The following AMY2B variants were observed in gnomAD, a reference collection of about 807,000 sequenced individuals.
The protein encoded by AMY2B is alpha-amylase 2B.
AMY2B carries 63 observed loss-of-function variants against 59.3 expected under a neutral mutation model. That is an observed-to-expected ratio of 1.06 (90% CI 0.87 to 1.31). The LOEUF is 1.31. Ranked by LOEUF, AMY2B falls within the 50% of genes most tolerant of loss-of-function variation. The probability of loss-of-function intolerance (pLI) is 0.00; values close to 1 mark genes in which losing one functional copy is unlikely to be tolerated. For synonymous variants in AMY2B, 180 were observed against 198.1 expected (o/e 0.91, Z 0.77); for missense variants, 635 against 626.7 (o/e 1.01, Z -0.14).
rs188648857 is a variant in AMY2B, at chr1:103,573,691, C to A, written c.514-17C>A. ...ATGAGGTTTTATGAATCAATCATAA[C>A]ATTTTTACCTCAACAGGTCAGAGAT... On this transcript the variant is annotated splice_polypyrimidine_tract_variant and intron_variant, in intron 3 of 9. Coordinates refer to ENST00000684275, the MANE Select transcript of AMY2B (RefSeq NM_001387437.1). 1.2e-6 allele frequency: 2 copies of A among 1,613,472 alleles called. No homozygotes were observed. The highest frequency in any genetic ancestry group is 2.2e-5 in the South Asian group (2 of 91,048).
At chr1:103,562,628 G>A (rs1323997348) in intron 1 of AMY2B, among the ~76,000 whole-genome samples, 1 of 150,198 alleles carries the variant, frequency 6.7e-6, no homozygotes. Context: ...TATTTATAAG[G>A]CATCTAGGCT....
chr1:103,567,223 A>G (rs1322884667), upstream of AMY2B, among the ~76,000 whole-genome samples: 1 of 152,118 alleles, frequency 6.6e-6, no homozygotes, highest in East Asian at 1.9e-4. Context: ...TGGATGTGGA[A>G]GGGGATGATA....
rs770257893 is a variant in AMY2B, at chr1:103,577,707, A to G, written c.1221-13A>G. The G allele has an allele frequency of 9.9e-6, 16 of 1,611,636 alleles. No individual in the cohort carries two copies. The highest frequency in any genetic ancestry group is 1.4e-5 in the Non-Finnish European group (16 of 1,179,754). On this transcript the variant is annotated splice_polypyrimidine_tract_variant and intron_variant, in intron 8 of 9. Transcript: ENST00000684275. ...TAAGAATATCAACGTTTTATATGGT[A>G]TTGTGTTTTTAGGAACATGGTTAAT...
At chr1:103,576,505 CTT>C (rs954383295) in intron 7 of AMY2B, among the ~76,000 whole-genome samples, 14 of 152,102 alleles carry the variant, frequency 9.2e-5, no homozygotes, top group African/African-American at 3.4e-4. Context: ...GCTAAAAACT[CTT>C]AGTTTTGTTC....
intron 1 of AMY2B, among the ~76,000 whole-genome samples, chr1:103,557,765 C>T (rs1363231470): frequency 6.6e-6 from 1 of 151,900 alleles, no homozygotes; most frequent in East Asian, 1.9e-4. Flanking sequence ...AAGATGTGAG[C>T]AGTTTTATGA....
rs201325836 is a variant in AMY2B at position 103,579,459 on chromosome 1, G to A, written c.1495G>A (p.Glu499Lys). 244 of 1,611,538 alleles carry A rather than the reference G, an allele frequency of 1.5e-4. No individual in the cohort carries two copies. The highest frequency in any genetic ancestry group is 1.9e-4 in the Non-Finnish European group (221 of 1,179,682). The change falls in exon 10 of 10, where the codon GAG becomes AAG. Residue 499 changes from glutamate (E) to lysine (K), a missense_variant. By Grantham distance (56) the Glu-to-Lys change is moderately conservative. Coordinates refer to ENST00000684275, the MANE Select transcript of AMY2B (RefSeq NM_001387437.1). ...KAHFSISNSA[E>K]DPFIAIHAES... ...TCATTTTTCTATTAGTAACTCTGCT[G>A]AGGATCCATTTATTGCAATTCATGC... is the stretch of plus-strand genomic sequence containing the variant.
intron 7 of AMY2B, 90 bp downstream of exon 7, chr1:103,575,630 T>G (rs1652323579): frequency 6.5e-7 from 1 of 1,546,672 alleles, no homozygotes; most frequent in East Asian, 2.3e-5. Flanking sequence ...TAATTATATA[T>G]TCAACAAATA....
intron 1 of AMY2B, among the ~76,000 whole-genome samples, chr1:103,557,152 A>ACG (rs1651582346): frequency 7.1e-6 from 1 of 141,050 alleles, no homozygotes; most frequent in African/African-American, 2.9e-5. Flanking sequence ...GCGCGCGCGC[A>ACG]CACACACACA....
At chr1:103,566,824 C>T (rs1160604727), upstream of AMY2B, among the ~76,000 whole-genome samples, 1 of 152,132 alleles carries the variant, frequency 6.6e-6, no homozygotes, top group Non-Finnish European at 1.5e-5. Context: ...GTTTATTGCA[C>T]AATTTCTAAT....
chr1:103,565,803 C>A (rs1651890891), intron 2 of AMY2B, among the ~76,000 whole-genome samples: 1 of 152,124 alleles, frequency 6.6e-6, no homozygotes, highest in African/African-American at 2.4e-5. Context: ...TTTAATATAA[C>A]TATCACACTT....
intron 1 of AMY2B, among the ~76,000 whole-genome samples, chr1:103,561,537 TTAAC>T (rs1651734592): frequency 6.6e-6 from 1 of 152,174 alleles, no homozygotes; most frequent in South Asian, 2.1e-4. Flanking sequence ...CTAGTCTCAT[TTAAC>T]TAATTTAACC....
At position 103,564,633 on chromosome 1, in the gene AMY2B, T is replaced by C. The variant is rs755390625; in HGVS notation, c.-206-802T>C. 3.0e-4 allele frequency among the ~76,000 whole-genome samples: 45 copies of C among 152,244 alleles called. 1 individual carries two copies. The highest frequency in any genetic ancestry group is 7.2e-4 in the Admixed American group (11 of 15,276). On this transcript the variant is annotated intron_variant, in intron 1 of 11. Coordinates refer to the AMY2B transcript ENST00000361355. ...CCTCAAGGGTACAACTCTCCAGGCC[T>C]GATAATTCAGCCAGTGTACACTGCC...
At chr1:103,557,119 GCTA>G (rs2101058710) in intron 1 of AMY2B, among the ~76,000 whole-genome samples, 1 of 151,818 alleles carries the variant, frequency 6.6e-6, no homozygotes, top group African/African-American at 2.4e-5. Context: ...CCATTTAAAA[GCTA>G]ATAGGAAATC....
upstream of AMY2B, chr1:103,570,713 T>G (rs1652094923): frequency 1.8e-6 from 1 of 543,696 alleles, no homozygotes; most frequent in Admixed American, 2.0e-5. Flanking sequence ...GCTTCATGGG[T>G]TAATTCAGAA....
At chr1:103,555,583 C>G (rs1651522369) in intron 1 of AMY2B, among the ~76,000 whole-genome samples, 3 of 152,056 alleles carry the variant, frequency 2.0e-5, no homozygotes, top group Admixed American at 6.6e-5. Context: ...GAAAATATTT[C>G]CCACATAAAA....
intron 1 of AMY2B, chr1:103,564,986 T>A (rs1651858633): frequency 2.0e-5 from 3 of 152,136 alleles, no homozygotes; most frequent in Non-Finnish European, 4.4e-5. Flanking sequence ...CTTTATATTC[T>A]CTATTCTCTT....
chr1:103,562,376 G>A (rs551495830), intron 1 of AMY2B, among the ~76,000 whole-genome samples: 5 of 152,090 alleles, frequency 3.3e-5, no homozygotes, highest in African/African-American at 1.2e-4. Flanking sequence ...AACTTATCCT[G>A]AGTTCAGGTT....
At position 103,575,473 on chromosome 1, in the gene AMY2B, C is replaced by A; in HGVS notation, c.1034C>A (p.Ala345Asp). The change falls in exon 7 of 10, where the codon GCT becomes GAT. Residue 345 changes from alanine (A) to aspartate (D), a missense_variant. Ala to Asp is a moderately radical substitution (Grantham distance 126). Coordinates refer to ENST00000684275, the MANE Select transcript of AMY2B (RefSeq NM_001387437.1). ...LYKMAVGFML[A>D]HPYGFTRVMS... ...AAAATGGCAGTTGGATTTATGCTTG[C>A]TCATCCTTATGGTTTTACACGAGTA... 6.2e-7 allele frequency: 1 copy of A among 1,613,600 alleles called. No homozygotes were observed. The highest frequency in any genetic ancestry group is 8.5e-7 in the Non-Finnish European group (1 of 1,179,734).
upstream of AMY2B, chr1:103,568,985 G>A (rs1055508578): frequency 6.6e-6 from 1 of 152,128 alleles, no homozygotes; most frequent in African/African-American, 2.4e-5. Context: ...CATGGTGGAA[G>A]GGGAAGCAAA....
Sources: gnomAD v4.1 joint callset for allele counts (sites outside exome capture counted in the v4.1 genomes callset) on GRCh38, gnomAD v4.1.1 for gene constraint, MANE v1.5 for transcripts, NCBI Gene and HGNC (gene_info 2026-07-23, HGNC 2026-07-21) for gene names.